The following OPCML variants were observed in gnomAD, a reference collection of about 807,000 sequenced individuals.
The protein encoded by OPCML is opioid-binding protein/cell adhesion molecule.
A neutral mutation model predicts 37.8 loss-of-function variants in OPCML; 13 were observed. The observed-to-expected ratio is 0.34, with a 90% CI of 0.22 to 0.55. OPCML has a LOEUF of 0.55. OPCML is among the 20% of genes least tolerant of loss of function. The pLI is 0.91. For missense variants in OPCML, 341 were observed against 435.6 expected (o/e 0.78, Z 1.93); for synonymous variants, 176 against 168.8 (o/e 1.04, Z -0.33).
At chr11:132,534,592 C>T (rs888259654) in intron 3 of OPCML, among the ~76,000 whole-genome samples, 1 of 152,176 alleles carries the variant, frequency 6.6e-6, no homozygotes, top group African/African-American at 2.4e-5. Flanking sequence ...ATATCAGCCC[C>T]ACCCTGCATA....
At chr11:132,538,679 C>T (rs966593526) in intron 3 of OPCML, among the ~76,000 whole-genome samples, 5 of 152,140 alleles carry the variant, frequency 3.3e-5, no homozygotes, top group African/African-American at 1.2e-4. Context: ...AGAAAATATT[C>T]TTTTCATTTA....
intron 1 of OPCML, among the ~76,000 whole-genome samples, chr11:133,288,221 C>T (rs182148813): frequency 3.2e-4 from 49 of 152,278 alleles, no homozygotes; most frequent in Non-Finnish European, 6.2e-4. Context: ...TTTTAAAAGG[C>T]ACTGGTCAGG....
intron 1 of OPCML, among the ~76,000 whole-genome samples, chr11:132,998,345 C>T (rs12803178): frequency 0.021 from 3,157 of 152,284 alleles, 48 homozygotes; most frequent in Middle Eastern, 0.051. Flanking sequence ...GGCACTTTCT[C>T]CCTGTCTTCT....
Position 133,355,307 on chromosome 11 carries a change from G to A in OPCML, c.61+176957C>T, listed in dbSNP as rs377532960. ...TCCTCCTAGCACTTCCTGTTTCTCA[G>A]TTCCAAGGTAACTGTTAATGGAATT... On this transcript the variant is annotated intron_variant, in intron 1 of 7. Coordinates refer to ENST00000524381, the MANE Select transcript of OPCML (RefSeq NM_001012393.5). 2.0e-5 allele frequency among the ~76,000 whole-genome samples: 3 copies of A among 152,298 alleles called. No individual in the cohort carries two copies. In the East Asian group the frequency reaches 5.8e-4, roughly 29 times the overall value.
intron 2 of OPCML, among the ~76,000 whole-genome samples, chr11:132,916,060 T>C (rs1944592018): frequency 6.6e-6 from 1 of 152,224 alleles, no homozygotes; most frequent in Non-Finnish European, 1.5e-5. Context: ...GGTAAAATTC[T>C]TTATTTTTCT....
chr11:132,799,154 C>T (rs1362177737), intron 2 of OPCML, among the ~76,000 whole-genome samples: 1 of 152,174 alleles, frequency 6.6e-6, no homozygotes, highest in Non-Finnish European at 1.5e-5. Flanking sequence ...GACTTCTCCT[C>T]TCTAGCTATG....
At chr11:133,111,468 TC>T (rs1949252323) in intron 1 of OPCML, among the ~76,000 whole-genome samples, 1 of 152,180 alleles carries the variant, frequency 6.6e-6, no homozygotes, top group East Asian at 1.9e-4. Context: ...TGGCATGTTG[TC>T]CCCAGTGTTA....
intron 1 of OPCML, among the ~76,000 whole-genome samples, chr11:133,247,872 G>A (rs1480675930): frequency 6.6e-6 from 1 of 152,158 alleles, no homozygotes; most frequent in Non-Finnish European, 1.5e-5. Context: ...GTCTCCCAAA[G>A]TGCTGGGATT....
intron 1 of OPCML, among the ~76,000 whole-genome samples, chr11:133,023,051 A>T (rs1394226674): frequency 2.0e-5 from 3 of 152,140 alleles, no homozygotes; most frequent in Non-Finnish European, 4.4e-5. Context: ...TTGGAAGGGG[A>T]GCAATGAAAC....
intron 3 of OPCML, among the ~76,000 whole-genome samples, chr11:132,537,962 G>A (rs2096345418): frequency 6.6e-6 from 1 of 152,142 alleles, no homozygotes; most frequent in South Asian, 2.1e-4. Flanking sequence ...ACAGTTGGTG[G>A]GAATGTAAAA....
chr11:132,731,446 CCA>C (rs1491427459), intron 2 of OPCML, among the ~76,000 whole-genome samples: 2 of 152,160 alleles, frequency 1.3e-5, no homozygotes, highest in Non-Finnish European at 2.9e-5. Flanking sequence ...AAGAAATGTG[CCA>C]CAGTGTATTG....
At chr11:132,671,713 G>T (rs1942483974) in intron 2 of OPCML, among the ~76,000 whole-genome samples, 1 of 152,092 alleles carries the variant, frequency 6.6e-6, no homozygotes, top group African/African-American at 2.4e-5. Context: ...AAACTTGTAA[G>T]GGTTTAAGAA....
intron 3 of OPCML, among the ~76,000 whole-genome samples, chr11:132,563,976 C>G (rs2096416463): frequency 6.6e-6 from 1 of 152,132 alleles, no homozygotes; most frequent in Admixed American, 6.5e-5. Context: ...TCAACCACTG[C>G]CATGTGAAGA....
chr11:132,731,276 C>A (rs1945066762), intron 2 of OPCML, among the ~76,000 whole-genome samples: 1 of 152,194 alleles, frequency 6.6e-6, no homozygotes, highest in Non-Finnish European at 1.5e-5. Flanking sequence ...AAAGTCAGGA[C>A]AATGAGTGGT....
At chr11:133,529,196 G>A (rs1023270782) in intron 1 of OPCML, among the ~76,000 whole-genome samples, 1 of 152,190 alleles carries the variant, frequency 6.6e-6, no homozygotes, top group East Asian at 1.9e-4. Context: ...TAATCAGAAG[G>A]ACCTGGGATG....
intron 1 of OPCML, among the ~76,000 whole-genome samples, chr11:133,049,829 G>C (rs997103099): frequency 6.6e-6 from 1 of 152,198 alleles, no homozygotes; most frequent in Non-Finnish European, 1.5e-5. Flanking sequence ...CCACATTCTA[G>C]TGTATTTCCA....
intron 4 of OPCML, among the ~76,000 whole-genome samples, chr11:132,477,132 AACAGAGTGC>A (rs1315149154): frequency 2.0e-5 from 3 of 152,168 alleles, no homozygotes; most frequent in Non-Finnish European, 4.4e-5. Context: ...GACCACAGAT[AACAGAGTGC>A]AACCCAATGA....
intron 1 of OPCML, among the ~76,000 whole-genome samples, chr11:133,487,177 C>T (rs888879048): frequency 6.6e-6 from 1 of 152,056 alleles, no homozygotes; most frequent in Non-Finnish European, 1.5e-5. Context: ...TACTCAAAAC[C>T]CTCCAAAGGC....
At chr11:132,610,918 A>G (rs1385856199) in intron 3 of OPCML, among the ~76,000 whole-genome samples, 2 of 152,166 alleles carry the variant, frequency 1.3e-5, no homozygotes, top group South Asian at 2.1e-4. Flanking sequence ...GATCTCATCT[A>G]TACCTCAGGG....
Sources: allele counts gnomAD v4.1 joint callset (sites outside exome capture counted in the v4.1 genomes callset), GRCh38; gene constraint gnomAD v4.1.1; transcripts MANE v1.5; gene names NCBI Gene and HGNC (gene_info 2026-07-23, HGNC 2026-07-21).